Variants in PCDH15 observed in about 807,000 individuals in gnomAD.
PCDH15 encodes the protein protocadherin-15.
In PCDH15, 129 loss-of-function variants were observed where a neutral mutation model predicts 178.5. That is an observed-to-expected ratio of 0.72 (90% confidence interval 0.63 to 0.84). The LOEUF (loss-of-function observed/expected upper bound fraction) is 0.84, where lower values mean the gene tolerates loss of function less well. Among genes scored for constraint, PCDH15 ranks in the 40% least tolerant of loss-of-function variants. The pLI is 0.00. For synonymous variants in PCDH15, 800 were observed against 732.0 expected (o/e 1.09, Z -1.50); for missense variants, 2,230 against 2,099.9 (o/e 1.06, Z -1.21).
chr10:54,232,659 G>C (rs1173839837), intron 9 of PCDH15, among the ~76,000 whole-genome samples: 1 of 151,826 alleles, frequency 6.6e-6, no homozygotes, highest in Non-Finnish European at 1.5e-5. Flanking sequence ...TTGTCTAGTT[G>C]GCATAAATTG....
At chr10:55,400,840 A>C (rs572252868) in intron 2 of PCDH15, among the ~76,000 whole-genome samples, 6 of 152,084 alleles carry the variant, frequency 3.9e-5, no homozygotes, top group Non-Finnish European at 7.4e-5. Flanking sequence ...AAACTAATTC[A>C]GTGGGACCAC....
chr10:55,334,264 G>A (rs1712985660), intron 2 of PCDH15, among the ~76,000 whole-genome samples: 2 of 125,652 alleles, frequency 1.6e-5, no homozygotes, highest in Admixed American at 1.5e-4. Context: ...GTGTGTGTGT[G>A]TGTGTGTGTG....
At chr10:55,587,252 A>G (rs1297813180) in intron 2 of PCDH15, among the ~76,000 whole-genome samples, 1 of 152,162 alleles carries the variant, frequency 6.6e-6, no homozygotes, top group East Asian at 1.9e-4. Flanking sequence ...TGTTCAATAT[A>G]GTAAAGATGG....
chr10:54,706,460 T>A (rs1319308351), intron 1 of PCDH15, among the ~76,000 whole-genome samples: 1 of 152,138 alleles, frequency 6.6e-6, no homozygotes, highest in Admixed American at 6.5e-5. Context: ...CATGCAGAGA[T>A]TATCCTAGTA....
At chr10:54,338,911 G>T (rs1400812364) in intron 6 of PCDH15, among the ~76,000 whole-genome samples, 1 of 151,964 alleles carries the variant, frequency 6.6e-6, no homozygotes, top group Non-Finnish European at 1.5e-5. Flanking sequence ...TGTCTAAATA[G>T]TCTTATCAAT....
chr10:54,214,103 T>C, intron 9 of PCDH15, 55 bp from the exon 10 acceptor site: 1 of 945,206 alleles, frequency 1.1e-6, no homozygotes, highest in South Asian at 1.3e-5. Context: ...AATATGTGTA[T>C]CTGCTTTTTC....
intron 8 of PCDH15, among the ~76,000 whole-genome samples, chr10:54,274,290 T>C (rs1336412509): frequency 6.6e-6 from 1 of 151,940 alleles, no homozygotes; most frequent in Non-Finnish European, 1.5e-5. Context: ...AACTTAAAAG[T>C]TAAAAATGAA....
At chr10:55,144,367 AATAT>A (rs199938566) in intron 2 of PCDH15, among the ~76,000 whole-genome samples, 2,227 of 152,226 alleles carry the variant, frequency 0.015, 39 homozygotes, top group Non-Finnish European at 0.022. Flanking sequence ...GCATGGAAGC[AATAT>A]ACAATTAAGA....
rs1392434535 is a variant in PCDH15 at position 53,903,296 on chromosome 10, T to C, written c.3448A>G (p.Ile1150Val). ...CTTGCATCTTCAGATACACCTCCGATGTAGAATTTTTTCTGAAACACTGGG... is the reference window on the plus strand; with the variant it reads ...CTTGCATCTTCAGATACACCTCCGACGTAGAATTTTTTCTGAAACACTGGG... ...HPPVFQKKFY[I>V]GGVSEDARMF... Residue 1150 changes from isoleucine to valine, a missense_variant, in exon 26 of 38, where the codon ATC becomes GTC. Physicochemically the swap from Ile to Val is conservative, Grantham distance 29. Transcript: ENST00000644397. 9.9e-6 allele frequency: 16 copies of C among 1,613,114 alleles called. No homozygotes were observed. Among genetic ancestry groups the C allele is most frequent in the African/African-American group, 6.7e-5 (5 of 74,892 alleles).
At chr10:54,425,614 T>G (rs1266679758) in intron 3 of PCDH15, among the ~76,000 whole-genome samples, 2 of 152,198 alleles carry the variant, frequency 1.3e-5, no homozygotes, top group East Asian at 3.8e-4. Context: ...ATGTATTTTT[T>G]TATAGATTCA....
intron 25 of PCDH15, among the ~76,000 whole-genome samples, chr10:53,923,825 T>C (rs934947800): frequency 6.6e-6 from 1 of 152,232 alleles, no homozygotes; most frequent in Non-Finnish European, 1.5e-5. Context: ...ATTGTACTCA[T>C]TTTTTCCACT....
chr10:55,342,321 T>C (rs1434945694), intron 2 of PCDH15, among the ~76,000 whole-genome samples: 2 of 152,006 alleles, frequency 1.3e-5, no homozygotes, highest in Non-Finnish European at 2.9e-5. Context: ...TACAATGTTA[T>C]AAAGCATTTA....
intron 1 of PCDH15, chr10:55,166,657 G>A (rs936938739): frequency 6.6e-6 from 1 of 152,114 alleles, no homozygotes; most frequent in African/African-American, 2.4e-5. Context: ...TTTTCCTGTA[G>A]AATAGAGTTA....
At chr10:54,017,773 TG>T (rs2092789246) in intron 20 of PCDH15, among the ~76,000 whole-genome samples, 1 of 152,016 alleles carries the variant, frequency 6.6e-6, no homozygotes, top group South Asian at 2.1e-4. Context: ...AATGTGAACA[TG>T]TAATGCCTGA....
intron 2 of PCDH15, among the ~76,000 whole-genome samples, chr10:55,552,052 T>C (rs1842012790): frequency 6.6e-6 from 1 of 151,752 alleles, no homozygotes; most frequent in Non-Finnish European, 1.5e-5. Context: ...GCAAAAACAC[T>C]GAATTGCACA....
At chr10:53,831,002 T>C (rs762979440) in intron 30 of PCDH15, among the ~76,000 whole-genome samples, 1 of 152,210 alleles carries the variant, frequency 6.6e-6, no homozygotes, top group Admixed American at 6.5e-5. Context: ...GGATACCTGT[T>C]ACCTTCTCTC....
chr10:54,531,680 A>C (rs1202181057), intron 2 of PCDH15, among the ~76,000 whole-genome samples: 1 of 152,162 alleles, frequency 6.6e-6, no homozygotes, highest in Non-Finnish European at 1.5e-5. Flanking sequence ...AAGACTTCAA[A>C]ACTATTTACT....
chr10:55,016,024 G>T (rs766512435), intron 2 of PCDH15, among the ~76,000 whole-genome samples: 5 of 149,408 alleles, frequency 3.3e-5, no homozygotes, highest in Admixed American at 6.7e-5. Context: ...ATTCTACAAG[G>T]TTCCTTAAAA....
Position 54,002,070 on chromosome 10 carries a change from T to TATATATAC in PCDH15, c.2752-6313_2752-6306dup, listed in dbSNP as rs2092174064. On this transcript the variant is annotated intron_variant, in intron 20 of 37. Coordinates refer to ENST00000644397, the MANE Select transcript of PCDH15 (RefSeq NM_001384140.1). ...ACATATATGTATATATATACATGTA[T>TATATATAC]ATATATACATATATGTATATATACA... 2.0e-5 allele frequency among the ~76,000 whole-genome samples: 3 copies of TATATATAC among 148,824 alleles called. No individual in the cohort carries two copies. The South Asian group carries it at 6.4e-4, about 32-fold the overall frequency.
Sources: allele counts gnomAD v4.1 joint callset (sites outside exome capture counted in the v4.1 genomes callset), GRCh38; gene constraint gnomAD v4.1.1; transcripts MANE v1.5; gene names NCBI Gene and HGNC (gene_info 2026-07-23, HGNC 2026-07-21).